The following EPB41L2 variants were observed in gnomAD, a reference collection of about 807,000 sequenced individuals.
EPB41L2 encodes the protein erythrocyte membrane protein band 4.1 like 2.
A neutral mutation model predicts 113.0 loss-of-function variants in EPB41L2; 43 were observed. The observed-to-expected ratio is 0.38, with a 90% CI of 0.30 to 0.49. EPB41L2 has a LOEUF of 0.49. Among genes scored for constraint, EPB41L2 ranks in the 20% least tolerant of loss-of-function variants. The probability of loss-of-function intolerance (pLI) is 0.95; values close to 1 mark genes in which losing one functional copy is unlikely to be tolerated. For missense variants in EPB41L2, 1,147 were observed against 1,223.4 expected, an observed-to-expected ratio of 0.94 and a Z score of 0.93; for synonymous variants, 442 against 436.7, an observed-to-expected ratio of 1.01 and a Z score of -0.15.
intron 1 of EPB41L2, among the ~76,000 whole-genome samples, chr6:131,029,139 GA>G (rs908157213): frequency 4.6e-5 from 7 of 151,974 alleles, no homozygotes; most frequent in African/African-American, 1.4e-4. Context: ...ATGCTAAAGG[GA>G]AAAAAATCTT....
chr6:130,859,865 T>C (rs1781474183), intron 18 of EPB41L2, among the ~76,000 whole-genome samples: 1 of 152,100 alleles, frequency 6.6e-6, no homozygotes, highest in Non-Finnish European at 1.5e-5. Context: ...GAGTGACCTG[T>C]GTTGGGACAA....
Position 130,876,657 on chromosome 6 carries a change from G to A in EPB41L2, c.2043+1447C>T, listed in dbSNP as rs1284810020. ...GGGGAAAAAGCAAGAGTAGATCCAA[G>A]GGTGCAAGGTGAACACCTTGTCCGT... On this transcript the variant is annotated intron_variant, in intron 14 of 19. Coordinates refer to ENST00000337057, the MANE Select transcript of EPB41L2 (RefSeq NM_001431.4). The A allele has an allele frequency of 3.9e-6, 5 of 1,286,440 alleles. No individual in the cohort carries two copies. The East Asian group carries it at 2.8e-4, about 72-fold the overall frequency. The allele number at this position is 1,286,440 out of a possible 1,614,324, so 79.7% of individuals were successfully genotyped here.
At chr6:131,055,574 C>T (rs928991911) in intron 1 of EPB41L2, among the ~76,000 whole-genome samples, 24 of 152,114 alleles carry the variant, frequency 1.6e-4, no homozygotes, top group Admixed American at 9.8e-4. Context: ...CAGATGCCAA[C>T]AAATTGCAAA....
intron 1 of EPB41L2, among the ~76,000 whole-genome samples, chr6:131,003,423 C>G (rs1784785474): frequency 6.6e-6 from 1 of 152,186 alleles, no homozygotes; most frequent in Admixed American, 6.5e-5. Context: ...CCAAGCTTGA[C>G]ATTTTCAATC....
intron 13 of EPB41L2, 41 bp from the exon 14 acceptor site, chr6:130,878,291 A>G (rs752910343): frequency 1.3e-6 from 2 of 1,575,682 alleles, no homozygotes; most frequent in Non-Finnish European, 1.7e-6. Flanking sequence ...AAAATCCAAA[A>G]GGAAAAAACC....
chr6:131,006,770 T>C (rs1313796285), intron 1 of EPB41L2, among the ~76,000 whole-genome samples: 1 of 152,174 alleles, frequency 6.6e-6, no homozygotes, highest in Non-Finnish European at 1.5e-5. Context: ...TGAAAAATCC[T>C]GCCCTAGACC....
chr6:131,030,253 G>A (rs911851982), intron 1 of EPB41L2, among the ~76,000 whole-genome samples: 8 of 152,174 alleles, frequency 5.3e-5, no homozygotes, highest in African/African-American at 1.9e-4. Context: ...AGGCTGAGAT[G>A]GGCTACAGGG....
chr6:130,979,258 G>A (rs1418480923), intron 1 of EPB41L2, among the ~76,000 whole-genome samples: 1 of 151,940 alleles, frequency 6.6e-6, no homozygotes, highest in Non-Finnish European at 1.5e-5. Flanking sequence ...GGCTGTGGTG[G>A]GTTGACCACT....
At chr6:130,867,797 G>C in intron 15 of EPB41L2, 1 of 515,542 alleles carries the variant, frequency 1.9e-6, no homozygotes, top group South Asian at 2.1e-5. Flanking sequence ...TGTGCACATA[G>C]ATACGTACAT....
intron 1 of EPB41L2, among the ~76,000 whole-genome samples, chr6:130,967,358 TCA>T (rs1775528085): frequency 6.6e-6 from 1 of 152,094 alleles, no homozygotes; most frequent in Admixed American, 6.6e-5. Flanking sequence ...TGTTCAAGAG[TCA>T]ATTACAGTTC....
intron 3 of EPB41L2, among the ~76,000 whole-genome samples, chr6:130,945,860 C>G (rs1812634850): frequency 6.6e-6 from 1 of 152,036 alleles, no homozygotes; most frequent in African/African-American, 2.4e-5. Flanking sequence ...GCTGTTTTAA[C>G]ACACTGAGTA....
intron 3 of EPB41L2, among the ~76,000 whole-genome samples, chr6:130,932,575 A>G (rs189876113): frequency 1.3e-5 from 2 of 152,258 alleles, no homozygotes; most frequent in African/African-American, 4.8e-5. Flanking sequence ...AACTACCTCT[A>G]CTTGTATACA....
intron 1 of EPB41L2, among the ~76,000 whole-genome samples, chr6:131,033,676 C>T (rs1792697082): frequency 6.6e-6 from 1 of 152,064 alleles, no homozygotes; most frequent in African/African-American, 2.4e-5. Context: ...GTGAAATAAG[C>T]CAGATAAAGA....
At chr6:130,937,346 A>T (rs1374698346) in intron 3 of EPB41L2, among the ~76,000 whole-genome samples, 1 of 152,206 alleles carries the variant, frequency 6.6e-6, no homozygotes, top group Non-Finnish European at 1.5e-5. Context: ...AGCAAAGAGG[A>T]TCCCTGTCCC....
rs1785157724 is a variant in EPB41L2 at position 130,870,070 on chromosome 6, T to C, written c.2100A>G (p.Lys700=). The C allele has an allele frequency of 2.5e-6, 4 of 1,614,036 alleles. No individual in the cohort carries two copies. The highest frequency in any genetic ancestry group is 1.6e-4 in the Middle Eastern group (1 of 6,062). ...VEEKKRAEVG[K]DERVITEEMN... ...TTTCTTCTGTGATTACTCTTTCGTC[T>C]TTCCCAACCTCTGCCCGCTTCTTCT... is the stretch of plus-strand genomic sequence containing the variant. Residue 700 remains lysine, a synonymous_variant, in exon 15 of 20, where the codon AAA becomes AAG. Transcript: ENST00000337057.
chr6:131,007,999 G>A, intron 1 of EPB41L2, among the ~76,000 whole-genome samples: 1 of 152,250 alleles, frequency 6.6e-6, no homozygotes, highest in East Asian at 1.9e-4. Context: ...AATTTTCTGG[G>A]GAGAAATTCA....
intron 1 of EPB41L2, among the ~76,000 whole-genome samples, chr6:130,985,743 G>A (rs1039320093): frequency 2.0e-5 from 3 of 152,146 alleles, no homozygotes; most frequent in African/African-American, 7.2e-5. Context: ...GAGTGCTGAG[G>A]GCTTTGAAGA....
chr6:131,048,111 C>T (rs1421899727), intron 1 of EPB41L2, among the ~76,000 whole-genome samples: 4 of 139,216 alleles, frequency 2.9e-5, no homozygotes, highest in Non-Finnish European at 6.0e-5. Context: ...GTACCTCAGG[C>T]CTGGGCGACA....
intron 3 of EPB41L2, among the ~76,000 whole-genome samples, chr6:130,952,715 C>T (rs78157697): frequency 0.026 from 3,983 of 151,578 alleles, 179 homozygotes; most frequent in African/African-American, 0.092. Flanking sequence ...GACGCTGAGG[C>T]AGAAGAATCG....
Sources: allele counts gnomAD v4.1 joint callset (sites outside exome capture counted in the v4.1 genomes callset), GRCh38; gene constraint gnomAD v4.1.1; transcripts MANE v1.5; gene names NCBI Gene and HGNC (gene_info 2026-07-23, HGNC 2026-07-21).